HERC4: variants seen among roughly 807,000 people sequenced by gnomAD.
HERC4 encodes the protein HECT and RLD domain containing E3 ubiquitin protein ligase 4, also known as probable E3 ubiquitin-protein ligase HERC4.
In HERC4, 28 loss-of-function variants were observed where a neutral mutation model predicts 124.3. That is an observed-to-expected ratio of 0.23 (90% CI 0.17 to 0.31). The LOEUF (loss-of-function observed/expected upper bound fraction) is 0.31, where lower values mean the gene tolerates loss of function less well. Ranked by LOEUF, HERC4 falls within the 10% of genes least tolerant of loss-of-function variation. The pLI is 1.00. For synonymous variants in HERC4, 407 were observed against 421.5 expected (o/e 0.97, Z 0.42); for missense variants, 713 against 1,229.3 (o/e 0.58, Z 6.28).
intron 9 of HERC4, among the ~76,000 whole-genome samples, chr10:68,001,993 T>C (rs547958047): frequency 6.8e-4 from 104 of 152,274 alleles, no homozygotes; most frequent in African/African-American, 2.4e-3. Context: ...TTGGCTATAA[T>C]GTATCACAAT....
At position 67,922,372 on chromosome 10, in the gene HERC4, T is replaced by G. The variant is rs2030304408; in HGVS notation, c.*559A>C. The G allele has an allele frequency of 2.0e-5, 3 of 152,198 alleles. No homozygotes were observed. The allele number at this position is 152,198 out of a possible 1,614,324, so 9.4% of individuals were successfully genotyped here. On this transcript the variant is annotated 3_prime_UTR_variant, in exon 25 of 25. Coordinates refer to ENST00000373700, the MANE Select transcript of HERC4 (RefSeq NM_015601.4). ...CTAGCAAAAAAGAAAAGATAGTGTT[T>G]CCACCATGCTACCTTTTTTTTCTTT... is the stretch of plus-strand genomic sequence containing the variant.
chr10:67,972,919 T>G (rs1263084273), intron 15 of HERC4, among the ~76,000 whole-genome samples: 3 of 152,106 alleles, frequency 2.0e-5, no homozygotes, highest in Admixed American at 6.5e-5. Flanking sequence ...TATAGTTAAC[T>G]TCCTTAAGAG....
chr10:67,981,585 T>C (rs7088830), intron 15 of HERC4, among the ~76,000 whole-genome samples: 2,157 of 152,310 alleles, frequency 0.014, 36 homozygotes, highest in African/African-American at 0.048. Flanking sequence ...AGAATAAACA[T>C]TGTTCTCCTT....
chr10:67,925,268 A>G, intron 23 of HERC4, 81 bp from the exon 24 acceptor site: 1 of 725,880 alleles, frequency 1.4e-6, no homozygotes, highest in Admixed American at 2.7e-5. Context: ...ATGGTCCAGT[A>G]GTTTGCAACT....
At chr10:67,928,504 T>C (rs1352970755) in intron 23 of HERC4, among the ~76,000 whole-genome samples, 2 of 152,196 alleles carry the variant, frequency 1.3e-5, no homozygotes, top group African/African-American at 2.4e-5. Flanking sequence ...GGGACATGCA[T>C]GGTCCAATTA....
At chr10:68,015,884 C>T (rs2038232719) in intron 8 of HERC4, among the ~76,000 whole-genome samples, 1 of 152,136 alleles carries the variant, frequency 6.6e-6, no homozygotes, top group Admixed American at 6.5e-5. Flanking sequence ...AGGTGGATCA[C>T]TTGAGGTCAG....
At chr10:68,043,140 G>A (rs2039853024) in intron 4 of HERC4, among the ~76,000 whole-genome samples, 1 of 151,980 alleles carries the variant, frequency 6.6e-6, no homozygotes, top group Non-Finnish European at 1.5e-5. Flanking sequence ...ATTTACCTAT[G>A]TATTACTGAC....
At chr10:67,964,921 C>T (rs1421768407) in intron 16 of HERC4, 1 of 152,268 alleles carries the variant, frequency 6.6e-6, no homozygotes, top group Non-Finnish European at 1.5e-5. Flanking sequence ...TACAGGCGCC[C>T]ACCACCATGC....
chr10:67,996,024 C>T (rs568017203), intron 9 of HERC4: 19 of 332,270 alleles, frequency 5.7e-5, no homozygotes, highest in South Asian at 8.9e-5. Context: ...AATTCCTCTC[C>T]GCTGGGCACA....
At chr10:68,020,655 G>A (rs1336417449) in intron 8 of HERC4, among the ~76,000 whole-genome samples, 3 of 151,280 alleles carry the variant, frequency 2.0e-5, no homozygotes, top group African/African-American at 7.3e-5. Context: ...TGTAGTCCCA[G>A]CTACTTGGGA....
intron 16 of HERC4, among the ~76,000 whole-genome samples, chr10:67,957,224 T>C (rs2034195900): frequency 1.3e-5 from 2 of 152,240 alleles, no homozygotes; most frequent in Admixed American, 6.5e-5. Context: ...GCAAGTATCT[T>C]TTGCTTAGCA....
intron 15 of HERC4, among the ~76,000 whole-genome samples, chr10:67,969,531 T>C (rs999065723): frequency 1.3e-5 from 2 of 152,126 alleles, no homozygotes; most frequent in African/African-American, 4.8e-5. Flanking sequence ...AGGAATTAGC[T>C]GCCACATGAG....
intron 3 of HERC4, among the ~76,000 whole-genome samples, chr10:68,059,865 T>TATATCATA (rs2040893007): frequency 2.1e-5 from 2 of 95,506 alleles, no homozygotes; most frequent in African/African-American, 1.1e-4. Context: ...CATAATATTA[T>TATATCATA]ATATTATAAT....
intron 19 of HERC4, among the ~76,000 whole-genome samples, chr10:67,950,490 G>T (rs1045724825): frequency 1.3e-5 from 2 of 152,076 alleles, no homozygotes; most frequent in Non-Finnish European, 2.9e-5. Context: ...TGGCCAGGCT[G>T]GTTTTGAACT....
chr10:68,068,698 T>G (rs2041421558), intron 3 of HERC4: 1 of 151,922 alleles, frequency 6.6e-6, no homozygotes, highest in African/African-American at 2.4e-5. Context: ...AGAATTACAA[T>G]AAAATACTGA....
intron 3 of HERC4, among the ~76,000 whole-genome samples, chr10:68,062,479 G>C (rs888164737): frequency 6.6e-6 from 1 of 152,032 alleles, no homozygotes; most frequent in Non-Finnish European, 1.5e-5. Flanking sequence ...CATCGGCCGG[G>C]CACGGTGGCT....
At chr10:67,989,642 T>C (rs1229378175) in intron 14 of HERC4, among the ~76,000 whole-genome samples, 2 of 151,860 alleles carry the variant, frequency 1.3e-5, no homozygotes, top group Non-Finnish European at 2.9e-5. Context: ...AAAAAAAGTA[T>C]AAAGGCCAGG....
intron 3 of HERC4, among the ~76,000 whole-genome samples, chr10:68,066,866 C>G (rs777107806): frequency 6.6e-6 from 1 of 152,124 alleles, no homozygotes; most frequent in Non-Finnish European, 1.5e-5. Flanking sequence ...AGAATGTAAG[C>G]ATCTTGGTAA....
At chr10:68,028,777 C>G (rs2039036509) in intron 7 of HERC4, among the ~76,000 whole-genome samples, 1 of 152,204 alleles carries the variant, frequency 6.6e-6, no homozygotes, top group Admixed American at 6.5e-5. Context: ...TCTCTTTTCT[C>G]TTAAGCTGAA....
Sources: allele counts gnomAD v4.1 joint callset (sites outside exome capture counted in the v4.1 genomes callset), GRCh38; gene constraint gnomAD v4.1.1; transcripts MANE v1.5; gene names NCBI Gene and HGNC (gene_info 2026-07-23, HGNC 2026-07-21).